OR56A3: variants seen among roughly 807,000 people sequenced by gnomAD.
The protein encoded by OR56A3 is olfactory receptor 56A3.
OR56A3 carries 23 observed loss-of-function variants against 17.5 expected under a neutral mutation model. The ratio of observed to expected loss-of-function variants is 1.32; its 90% CI spans 0.95 to 1.87. The LOEUF (loss-of-function observed/expected upper bound fraction) is 1.87. Ranked by LOEUF, OR56A3 falls within the 40% of genes most tolerant of loss-of-function variation. The pLI is 0.00. For synonymous variants in OR56A3, 175 were observed against 150.6 expected (o/e 1.16, Z -1.19); for missense variants, 366 against 380.1 (o/e 0.96, Z 0.31).
At chr11:5,974,034 T>C in the OR56A3 span, among the ~76,000 whole-genome samples, 1 of 152,124 alleles carries the variant, frequency 6.6e-6, no homozygotes, top group Non-Finnish European at 1.5e-5. Context: ...TTCCTGCTGT[T>C]GCTATCTCCT....
the OR56A3 span, chr11:5,994,654 T>C: frequency 1.3e-6 from 1 of 782,628 alleles, no homozygotes. Context: ...TGGCCAGTTC[T>C]GTCTCATACT....
chr11:5,983,254 C>T, the OR56A3 span, among the ~76,000 whole-genome samples: 1 of 152,036 alleles, frequency 6.6e-6, no homozygotes, highest in Non-Finnish European at 1.5e-5. Flanking sequence ...TCTGTTTTCT[C>T]TTTGGCTACA....
chr11:5,963,133 T>C, the OR56A3 span, among the ~76,000 whole-genome samples: 1 of 152,160 alleles, frequency 6.6e-6, no homozygotes, highest in African/African-American at 2.4e-5. Context: ...TTAAAAAACC[T>C]CCATTTTGTT....
chr11:5,960,169 A>G, the OR56A3 span, among the ~76,000 whole-genome samples: 1 of 151,992 alleles, frequency 6.6e-6, no homozygotes, highest in Admixed American at 6.6e-5. Context: ...GTTCCATATG[A>G]ATTTTAGAAT....
At chr11:5,996,338 A>C in the OR56A3 span, among the ~76,000 whole-genome samples, 1 of 152,206 alleles carries the variant, frequency 6.6e-6, no homozygotes, top group African/African-American at 2.4e-5. Context: ...AGATTTCATA[A>C]TGGGAAGACC....
At position 5,947,972 on chromosome 11, in the gene OR56A3, C is replaced by A; in HGVS notation, c.626C>A (p.Thr209Asn). ...NHLYQFAGGWTLLGSDLILIF... is the reference protein window; with the variant it reads ...NHLYQFAGGWNLLGSDLILIF... ...CTTTACCAATTTGCTGGAGGCTGGA[C>A]TCTGCTAGGATCTGACCTCATCCTT... The change falls in exon 3 of 3, where the codon ACT becomes AAT. Residue 209 changes from threonine (T) to asparagine (N), a missense_variant. By Grantham distance (65) the Thr-to-Asn change is moderately conservative. Coordinates refer to ENST00000641160, the MANE Select transcript of OR56A3 (RefSeq NM_001003443.3). The A allele has an allele frequency of 6.2e-7, 1 of 1,614,206 alleles. No individual in the cohort carries two copies. The highest frequency in any genetic ancestry group is 8.5e-7 in the Non-Finnish European group (1 of 1,180,038).
At chr11:5,967,748 G>A in the OR56A3 span, 8 of 1,606,822 alleles carry the variant, frequency 5.0e-6, no homozygotes, top group Non-Finnish European at 6.8e-6. Flanking sequence ...AGAGGATGAG[G>A]ATGAAGTGGG....
At chr11:6,020,497 G>A in the OR56A3 span, 1 of 151,956 alleles carries the variant, frequency 6.6e-6, no homozygotes, top group Non-Finnish European at 1.5e-5. Flanking sequence ...AGCAGTGTTT[G>A]GTAATTCTCA....
At chr11:5,946,714 G>A (rs1476342255) in intron 2 of OR56A3, among the ~76,000 whole-genome samples, 1 of 152,126 alleles carries the variant, frequency 6.6e-6, no homozygotes, top group African/African-American at 2.4e-5. Flanking sequence ...TTATTTGGTG[G>A]AACCTATGCC....
the OR56A3 span, among the ~76,000 whole-genome samples, chr11:5,987,492 C>G: frequency 6.6e-6 from 1 of 152,214 alleles, no homozygotes; most frequent in Non-Finnish European, 1.5e-5. Context: ...TCTGTTTACC[C>G]AAATATCCTT....
At chr11:5,943,362 A>G (rs1414082720) in intron 1 of OR56A3, 1 of 152,162 alleles carries the variant, frequency 6.6e-6, no homozygotes, top group Non-Finnish European at 1.5e-5. Flanking sequence ...CTAAGTCACT[A>G]GATCTTCCAT....
the OR56A3 span, among the ~76,000 whole-genome samples, chr11:6,011,145 CACTA>C: frequency 4.6e-5 from 7 of 151,172 alleles, no homozygotes; most frequent in African/African-American, 1.2e-4. Context: ...ACTTTTTGAT[CACTA>C]ACTAGCAAAT....
At chr11:6,012,880 C>T in the OR56A3 span, among the ~76,000 whole-genome samples, 1 of 152,258 alleles carries the variant, frequency 6.6e-6, no homozygotes, top group Non-Finnish European at 1.5e-5. Context: ...AGCATGTGCA[C>T]ACCAGCTGGG....
At chr11:6,000,604 A>C in the OR56A3 span, 1 of 152,202 alleles carries the variant, frequency 6.6e-6, no homozygotes, top group Non-Finnish European at 1.5e-5. Flanking sequence ...TCTAAAACTT[A>C]AAACATAATA....
chr11:5,966,352 C>T, the OR56A3 span, among the ~76,000 whole-genome samples: 1,155 of 151,720 alleles, frequency 7.6e-3, 16 homozygotes, highest in African/African-American at 0.026. Flanking sequence ...CCAGCCTGGG[C>T]GATAGAGTAA....
chr11:5,997,330 C>T, the OR56A3 span, among the ~76,000 whole-genome samples: 30 of 152,328 alleles, frequency 2.0e-4, no homozygotes, highest in African/African-American at 7.0e-4. Flanking sequence ...CTACATGACT[C>T]TCATGCTCAT....
chr11:5,985,178 AT>A, the OR56A3 span, among the ~76,000 whole-genome samples: 2 of 152,228 alleles, frequency 1.3e-5, no homozygotes, highest in African/African-American at 4.8e-5. Context: ...TTAGATGCTA[AT>A]AATTATATGG....
chr11:5,990,165 G>A, the OR56A3 span, among the ~76,000 whole-genome samples: 1 of 152,216 alleles, frequency 6.6e-6, no homozygotes, highest in Non-Finnish European at 1.5e-5. Flanking sequence ...CCCAGAGCAA[G>A]CTCCAGGAGC....
Position 5,949,610 on chromosome 11 carries a change from G to A in OR56A3, c.*1316G>A, listed in dbSNP as rs1847896217. The A allele has an allele frequency of 6.6e-6, 1 of 152,126 alleles. No homozygotes were observed. Among genetic ancestry groups the A allele is most frequent in the Admixed American group, 6.6e-5 (1 of 15,266 alleles). 9.4% of individuals were successfully genotyped at this position (152,126 alleles called of 1,614,324 possible). ...ACAACTTACAAGTATGTGTTACTTTGTTTTGACCATACAAGGAAAATTTCT... is the reference window on the plus strand; with the variant it reads ...ACAACTTACAAGTATGTGTTACTTTATTTTGACCATACAAGGAAAATTTCT... On this transcript the variant is annotated 3_prime_UTR_variant, in exon 3 of 3. Transcript: ENST00000641160.
Sources: allele counts gnomAD v4.1 joint callset (sites outside exome capture counted in the v4.1 genomes callset), GRCh38; gene constraint gnomAD v4.1.1; transcripts MANE v1.5; gene names NCBI Gene and HGNC (gene_info 2026-07-23, HGNC 2026-07-21).